The following ITPK1 variants were observed in gnomAD, a reference collection of about 807,000 sequenced individuals.
The protein encoded by ITPK1 is inositol 1,3,4-trisphosphate 5/6-kinase.
ITPK1 carries 21 observed loss-of-function variants against 45.3 expected under a neutral mutation model. That is an observed-to-expected ratio of 0.46 (90% CI 0.33 to 0.67). The LOEUF (loss-of-function observed/expected upper bound fraction) is 0.67, where lower values mean the gene tolerates loss of function less well. Ranked by LOEUF, ITPK1 falls within the 30% of genes least tolerant of loss-of-function variation. ITPK1 has a pLI of 0.02. For missense variants in ITPK1, 474 were observed against 573.5 expected (o/e 0.83, Z 1.77); for synonymous variants, 258 against 253.6 (o/e 1.02, Z -0.16).
At chr14:93,087,966 C>G (rs768787212) in intron 2 of ITPK1, among the ~76,000 whole-genome samples, 3 of 152,220 alleles carry the variant, frequency 2.0e-5, no homozygotes, top group Admixed American at 6.5e-5. Flanking sequence ...GGCCTGGAAG[C>G]CTTGGCTGCA....
chr14:93,111,839 G>A (rs908851694), intron 2 of ITPK1, among the ~76,000 whole-genome samples: 1 of 152,120 alleles, frequency 6.6e-6, no homozygotes, highest in African/African-American at 2.4e-5. Context: ...AGAGAAAGGG[G>A]AAGAAACAGG....
chr14:93,002,518 C>T (rs996921604), intron 4 of ITPK1, among the ~76,000 whole-genome samples: 7 of 152,138 alleles, frequency 4.6e-5, no homozygotes, highest in African/African-American at 1.7e-4. Flanking sequence ...AGCATCTCAA[C>T]TCTAACTAGG....
chr14:92,994,046 A>G (rs1234309119), intron 4 of ITPK1, 49 bp from the exon 5 acceptor site: 1 of 1,219,678 alleles, frequency 8.2e-7, no homozygotes, highest in African/African-American at 1.5e-5. Context: ...AGGGCCAGGT[A>G]GCAACTCACC....
In ITPK1 at chr14:93,012,364, G is replaced by T. The variant is rs74800340; in HGVS notation, c.246+4312C>A. ...ACGAGGGAGGACATTTCTTGGGAAG[G>T]GGCACTGAGCTGACGGAACAGCTTG... On this transcript the variant is annotated intron_variant, in intron 4 of 10. Coordinates refer to ENST00000267615, the MANE Select transcript of ITPK1 (RefSeq NM_014216.6). This position sits in a 1 kb window ranked among gnomAD's most constrained non-coding sequence, Gnocchi z 4.9. 1.4e-3 allele frequency among the ~76,000 whole-genome samples: 206 copies of T among 152,284 alleles called. No individual in the cohort carries two copies. The highest frequency in any genetic ancestry group is 2.2e-3 in the Non-Finnish European group (151 of 68,024).
intron 2 of ITPK1, 46 bp downstream of exon 2, chr14:93,115,023 G>T (rs1892882302): frequency 2.3e-6 from 3 of 1,284,494 alleles, no homozygotes; most frequent in African/African-American, 1.5e-5. Flanking sequence ...GGGTCACCGG[G>T]CTCGGGCCGG....
intron 2 of ITPK1, among the ~76,000 whole-genome samples, chr14:93,105,015 C>G (rs1289075691): frequency 6.6e-6 from 1 of 152,234 alleles, no homozygotes; most frequent in Non-Finnish European, 1.5e-5. Flanking sequence ...TCTATACACT[C>G]CGGGCAAACC....
chr14:93,059,432 A>G (rs1595177396), intron 3 of ITPK1, among the ~76,000 whole-genome samples: 1 of 24,940 alleles, frequency 4.0e-5, no homozygotes, highest in Non-Finnish European at 7.1e-5. Flanking sequence ...GCGGGTGCTG[A>G]TCCCGAGGCA....
Position 92,941,598 on chromosome 14 carries a change from C to T in ITPK1, c.1208G>A (p.Cys403Tyr). 2 of 1,537,754 alleles carry T rather than the reference C, an allele frequency of 1.3e-6. No homozygotes were observed. The highest frequency in any genetic ancestry group is 2.4e-5 in the South Asian group (2 of 83,298). The change falls in exon 11 of 11, where the codon TGT becomes TAT. Residue 403 changes from cysteine to tyrosine, a missense_variant. Transcript: ENST00000267615. ...GGCCTTGGTGGCCAGGGAGGCCACA[C>T]AATGCTGCTGGAAGCTGGGCGACAC... ...AGVSPSFQQH[C>Y]VASLATKASS...
intron 3 of ITPK1, chr14:93,066,352 G>A (rs1185987958): frequency 2.1e-5 from 9 of 434,542 alleles, no homozygotes; most frequent in African/African-American, 4.1e-5. Flanking sequence ...AGGGGGCAGA[G>A]GCGTCTGCTG....
intron 10 of ITPK1, among the ~76,000 whole-genome samples, chr14:92,943,886 A>G (rs1204559005): frequency 1.3e-5 from 2 of 152,224 alleles, no homozygotes; most frequent in African/African-American, 4.8e-5. Context: ...GTAAAGGCAG[A>G]GGCAAGATTC....
chr14:93,077,598 G>A (rs1218154487), intron 2 of ITPK1, among the ~76,000 whole-genome samples: 2 of 152,110 alleles, frequency 1.3e-5, no homozygotes, highest in East Asian at 1.9e-4. Context: ...GATTACAGGC[G>A]CGAGCCACCA....
At position 92,939,582 on chromosome 14, in the gene ITPK1, C is replaced by T; in HGVS notation, c.*1979G>A. 7 of 645,142 alleles carry T rather than the reference C, an allele frequency of 1.1e-5. No individual in the cohort carries two copies. The highest frequency in any genetic ancestry group is 1.2e-5 in the Non-Finnish European group (6 of 519,002). 40.0% of individuals were successfully genotyped at this position (645,142 alleles called of 1,614,324 possible). On this transcript the variant is annotated 3_prime_UTR_variant, in exon 11 of 11. Transcript: ENST00000267615. ...TTGGAAAATGCAGCTGCCCTGCACA[C>T]CCACAGCCCCGCCCCCGCCCCACCA...
intron 5 of ITPK1, among the ~76,000 whole-genome samples, chr14:92,965,051 G>A (rs1288910565): frequency 6.6e-6 from 1 of 152,228 alleles, no homozygotes; most frequent in Non-Finnish European, 1.5e-5. Flanking sequence ...TGGTGAGCCA[G>A]TGGTACAGCC....
chr14:92,989,986 G>C (rs1169413620), intron 5 of ITPK1, among the ~76,000 whole-genome samples: 1 of 152,170 alleles, frequency 6.6e-6, no homozygotes, highest in Non-Finnish European at 1.5e-5. Context: ...GAAATTCCAA[G>C]GTTGTTCTGC....
intron 5 of ITPK1, among the ~76,000 whole-genome samples, chr14:92,965,389 C>T (rs373706521): frequency 2.6e-5 from 4 of 152,194 alleles, no homozygotes; most frequent in East Asian, 1.9e-4. Flanking sequence ...AAAACCCAGA[C>T]TCCCCAGTGA....
intron 4 of ITPK1, among the ~76,000 whole-genome samples, chr14:93,000,974 TAAAAAAAAAAAA>T (rs201265189): frequency 1.2e-4 from 10 of 81,916 alleles, no homozygotes; most frequent in East Asian, 3.3e-4. Flanking sequence ...AGACTCCAAC[TAAAAAAAAAAAA>T]AAAAAAAAAA....
chr14:92,970,870 CG>C (rs1347671884), intron 5 of ITPK1, among the ~76,000 whole-genome samples: 1 of 152,096 alleles, frequency 6.6e-6, no homozygotes, highest in African/African-American at 2.4e-5. Context: ...CTCCTGACCC[CG>C]TGATCCGCCC....
intron 5 of ITPK1, among the ~76,000 whole-genome samples, chr14:92,969,392 G>A (rs1885538665): frequency 6.6e-6 from 1 of 152,060 alleles, no homozygotes; most frequent in Admixed American, 6.6e-5. Flanking sequence ...AAGACTGGGG[G>A]GGTGGGGAGG....
At chr14:93,055,731 A>C (rs1051435017) in intron 3 of ITPK1, among the ~76,000 whole-genome samples, 1 of 152,054 alleles carries the variant, frequency 6.6e-6, no homozygotes, top group Non-Finnish European at 1.5e-5. Context: ...CCTAGCCCCA[A>C]CTGCCAGTCA....
Sources: allele counts gnomAD v4.1 joint callset (sites outside exome capture counted in the v4.1 genomes callset), GRCh38; gene constraint gnomAD v4.1.1; non-coding constraint Gnocchi (gnomAD v3.1); transcripts MANE v1.5; gene names NCBI Gene and HGNC (gene_info 2026-07-23, HGNC 2026-07-21).